The following PTP4A2 variants were observed in gnomAD, a reference collection of about 807,000 sequenced individuals.
The protein encoded by PTP4A2 is protein tyrosine phosphatase type IVA 2.
In PTP4A2, 2 loss-of-function variants were observed where a neutral mutation model predicts 22.9. The ratio of observed to expected loss-of-function variants is 0.09; its 90% CI spans 0.04 to 0.27. The LOEUF (loss-of-function observed/expected upper bound fraction) is 0.27. Ranked by LOEUF, PTP4A2 falls within the 10% of genes least tolerant of loss-of-function variation. PTP4A2 has a pLI of 1.00. For missense variants in PTP4A2, 103 were observed against 205.1 expected, an observed-to-expected ratio of 0.50 and a Z score of 3.04; for synonymous variants, 68 against 69.1, an observed-to-expected ratio of 0.98 and a Z score of 0.08.
intron 1 of PTP4A2, among the ~76,000 whole-genome samples, chr1:31,926,685 A>G (rs1048357953): frequency 6.6e-6 from 1 of 152,234 alleles, no homozygotes; most frequent in African/African-American, 2.4e-5. Context: ...ACTATGGGTC[A>G]CATACTCTTA....
intron 1 of PTP4A2, among the ~76,000 whole-genome samples, chr1:31,923,516 A>T (rs1416092842): frequency 7.3e-5 from 11 of 149,992 alleles, no homozygotes. Flanking sequence ...TTGTATTTTT[A>T]GTAGAGACGG....
chr1:31,936,650 T>C (rs1436511674), intron 1 of PTP4A2, among the ~76,000 whole-genome samples: 7 of 152,218 alleles, frequency 4.6e-5, no homozygotes, highest in Admixed American at 3.9e-4. Context: ...TGATAATAAT[T>C]AGTCCATTCA....
intron 1 of PTP4A2, among the ~76,000 whole-genome samples, chr1:31,924,730 ATTTAAT>A (rs1376466978): frequency 3.3e-5 from 5 of 152,214 alleles, no homozygotes; most frequent in Non-Finnish European, 7.3e-5. Flanking sequence ...CTCCCTCTCC[ATTTAAT>A]TTTATCATAA....
At chr1:31,916,182 T>C (rs539697480) in intron 2 of PTP4A2, among the ~76,000 whole-genome samples, 195 bp from the exon 3 acceptor site, 2 of 151,086 alleles carry the variant, frequency 1.3e-5, no homozygotes, top group East Asian at 3.9e-4. Context: ...CCGTCTCTAT[T>C]AAAAATACAA....
intron 1 of PTP4A2, among the ~76,000 whole-genome samples, chr1:31,932,505 G>A (rs778822501): frequency 6.6e-6 from 1 of 152,264 alleles, no homozygotes; most frequent in East Asian, 1.9e-4. Flanking sequence ...TAACCTGTGG[G>A]CAAGAAAATC....
rs1161116587 is a variant in PTP4A2 at position 31,906,674 on chromosome 1, C to T, written c.*2178G>A. On this transcript the variant is annotated 3_prime_UTR_variant, in exon 6 of 6. Coordinates refer to ENST00000647444, the MANE Select transcript of PTP4A2 (RefSeq NM_080391.4). ...GCTTTATACATCCTTCTCCTCAATA[C>T]AGAACCAGGAATGTAATTTTCCTAA... is the stretch of plus-strand genomic sequence containing the variant. 1 of 151,910 alleles carries T rather than the reference C, an allele frequency of 6.6e-6. No homozygotes were observed. The highest frequency in any genetic ancestry group is 1.5e-5 in the Non-Finnish European group (1 of 67,982). 9.4% of individuals were successfully genotyped at this position (151,910 alleles called of 1,614,324 possible).
In PTP4A2 at chr1:31,938,210, C is replaced by T. The variant is rs1208695331; in HGVS notation, c.-817G>A. On this transcript the variant is annotated 5_prime_UTR_variant, in exon 1 of 6. Transcript: ENST00000647444. This position sits in a 1 kb window ranked among gnomAD's most constrained non-coding sequence, Gnocchi z 4.4. ...GCTGCTGCTGCTGCGGCCGCCGCTG[C>T]GTCTCCTGCTGCCGCCGCTGCCTCC... 1.3e-5 allele frequency: 2 copies of T among 152,798 alleles called. No individual in the cohort carries two copies. Among genetic ancestry groups the T allele is most frequent in the East Asian group, 1.9e-4 (1 of 5,316 alleles). 9.5% of individuals were successfully genotyped at this position (152,798 alleles called of 1,614,324 possible).
chr1:31,915,631 C>A, intron 3 of PTP4A2: 1 of 257,612 alleles, frequency 3.9e-6, no homozygotes, highest in Non-Finnish European at 7.3e-6. Flanking sequence ...TCTCAACCAC[C>A]TGGGCTCAAG....
chr1:31,933,753 ACAAT>A (rs1652825793), intron 1 of PTP4A2: 1 of 152,100 alleles, frequency 6.6e-6, no homozygotes, highest in African/African-American at 2.4e-5. Context: ...AAACCCAACA[ACAAT>A]CAATCTATAA....
intron 1 of PTP4A2, among the ~76,000 whole-genome samples, chr1:31,934,586 A>G (rs993016148): frequency 1.3e-5 from 2 of 152,240 alleles, no homozygotes; most frequent in Admixed American, 1.3e-4. Flanking sequence ...TTTGTGTCTG[A>G]AAATTGTAAA....
At chr1:31,917,216 G>C (rs1651894000) in intron 2 of PTP4A2, among the ~76,000 whole-genome samples, 1 of 152,106 alleles carries the variant, frequency 6.6e-6, no homozygotes, top group Non-Finnish European at 1.5e-5. Context: ...ACAATCTGAG[G>C]GCATACAGGC....
intron 5 of PTP4A2, 69 bp from the exon 6 acceptor site, chr1:31,909,029 T>C (rs1651391316): frequency 8.9e-7 from 1 of 1,117,634 alleles, no homozygotes; most frequent in African/African-American, 1.5e-5. Context: ...AAATGCATTA[T>C]TTACATCCTA....
chr1:31,916,190 C>G (rs922046504), intron 2 of PTP4A2, among the ~76,000 whole-genome samples: 1 of 151,158 alleles, frequency 6.6e-6, no homozygotes, highest in South Asian at 2.1e-4. Context: ...ATTAAAAATA[C>G]AAAGATCAGC....
At chr1:31,930,691 GTACAA>G (rs1404134326) in intron 1 of PTP4A2, among the ~76,000 whole-genome samples, 4 of 152,096 alleles carry the variant, frequency 2.6e-5, no homozygotes, top group African/African-American at 7.2e-5. Context: ...TGTGTACTGA[GTACAA>G]TACAAGATAA....
rs534962729 is a variant in PTP4A2 at position 31,908,782 on chromosome 1, T to A, written c.*70A>T. On this transcript the variant is annotated 3_prime_UTR_variant, in exon 6 of 6. Coordinates refer to ENST00000647444, the MANE Select transcript of PTP4A2 (RefSeq NM_080391.4). The stretch of plus-strand genomic sequence containing the variant: ...TTGATGACACAGGTAATATTCCAGA[T>A]TCACATTTCCAGGTACCAAGAGTTC... 9.6e-5 allele frequency: 103 copies of A among 1,072,310 alleles called. No individual in the cohort carries two copies. Among genetic ancestry groups the A allele is most frequent in the Middle Eastern group, 9.0e-4 (3 of 3,326 alleles). The allele number at this position is 1,072,310 out of a possible 1,614,324, so 66.4% of individuals were successfully genotyped here. A position where few individuals can be genotyped will look rare whatever the true frequency, so the allele number is the denominator to read the frequency against.
chr1:31,931,731 T>C (rs1333742846), intron 1 of PTP4A2, among the ~76,000 whole-genome samples: 1 of 152,200 alleles, frequency 6.6e-6, no homozygotes, highest in Non-Finnish European at 1.5e-5. Context: ...TTTAAACTAA[T>C]CACCAAAGGA....
intron 2 of PTP4A2, among the ~76,000 whole-genome samples, chr1:31,916,268 C>T (rs1278473387): frequency 6.8e-6 from 1 of 147,964 alleles, no homozygotes; most frequent in Non-Finnish European, 1.5e-5. Context: ...TCGCTTGAAC[C>T]CAGGAGGCAG....
At position 31,938,330 on chromosome 1, in the gene PTP4A2, C is replaced by G. The variant is rs1653044072; in HGVS notation, c.-937G>C. 6.7e-6 allele frequency: 1 copy of G among 149,080 alleles called. No individual in the cohort carries two copies. The highest frequency in any genetic ancestry group is 1.5e-5 in the Non-Finnish European group (1 of 66,568). 9.2% of individuals were successfully genotyped at this position (149,080 alleles called of 1,614,324 possible). On this transcript the variant is annotated 5_prime_UTR_variant, in exon 1 of 6. Transcript: ENST00000647444. This position sits in a 1 kb window ranked among gnomAD's most constrained non-coding sequence, Gnocchi z 4.4. ...GGACAGACGACGGTTACAGCCCGGC[C>G]GATCGCGCCGCCACCACCACCGCTG...
chr1:31,920,560 C>T (rs1294655049), intron 1 of PTP4A2, among the ~76,000 whole-genome samples: 3 of 126,882 alleles, frequency 2.4e-5, no homozygotes, highest in Non-Finnish European at 3.2e-5. Context: ...TTTTTTGAGA[C>T]GGAGCCTTGC....
Sources: gnomAD v4.1 joint callset for allele counts (sites outside exome capture counted in the v4.1 genomes callset) on GRCh38, gnomAD v4.1.1 for gene constraint, Gnocchi (gnomAD v3.1) non-coding constraint, MANE v1.5 for transcripts, NCBI Gene and HGNC (gene_info 2026-07-23, HGNC 2026-07-21) for gene names.